Variants in PLEKHG7 observed in about 807,000 individuals in gnomAD.
PLEKHG7 encodes pleckstrin homology domain-containing family G member 7.
In PLEKHG7, 77 loss-of-function variants were observed where a neutral mutation model predicts 85.2. The ratio of observed to expected loss-of-function variants is 0.90; its 90% confidence interval spans 0.75 to 1.09. The LOEUF is 1.09. Ranked by LOEUF, PLEKHG7 falls within the 50% of genes least tolerant of loss-of-function variation. The probability of loss-of-function intolerance (pLI) is 0.00; values close to 1 mark genes in which losing one functional copy is unlikely to be tolerated. For synonymous variants in PLEKHG7, 301 were observed against 302.4 expected (o/e 1.00, Z 0.05); for missense variants, 777 against 804.3 (o/e 0.97, Z 0.41).
chr12:92,761,802 T>C lies in PLEKHG7; in HGVS notation c.1687T>C (p.Leu563=), dbSNP rs1873043089. 1 of 1,578,030 alleles carries C rather than the reference T, an allele frequency of 6.3e-7. No homozygotes were observed. The highest frequency in any genetic ancestry group is 1.4e-5 in the African/African-American group (1 of 72,308). Residue 563 remains leucine (L), a synonymous_variant, in exon 14 of 17, where the codon TTA becomes CTA. Transcript: ENST00000344636. ...TCTGTTTCTCTTCAATGATTTCCTC[T>C]TAGTTACGAAAACTAAGTGCAACAA... ...VYLFLFNDFL[L]VTKTKCNKKK...
rs142446097 is a variant in PLEKHG7 at position 92,706,690 on chromosome 12, C to T, written c.59C>T (p.Pro20Leu). 3.7e-6 allele frequency: 6 copies of T among 1,613,980 alleles called. No individual in the cohort carries two copies. Among genetic ancestry groups the T allele is most frequent in the Non-Finnish European group, 1.7e-6 (2 of 1,180,036 alleles). Residue 20 changes from proline to leucine, a missense_variant, in exon 2 of 17, where the codon CCT becomes CTT. This residue lies in a region of PLEKHG7 where 252 missense variants were observed against 241.9 expected (regional missense o/e 1.04). Coordinates refer to ENST00000344636, the MANE Select transcript of PLEKHG7 (RefSeq NM_001377329.1). The part of the protein sequence containing the change: ...EVPPQDCGAS[P>L]RPSLRSLPKN... The stretch of plus-strand genomic sequence containing the variant: ...CCACCCCAAGACTGTGGAGCCTCTC[C>T]TCGGCCCTCGCTGAGGAGCCTGCCA...
At position 92,706,818 on chromosome 12, in the gene PLEKHG7, C is replaced by T. The variant is rs1268473826; in HGVS notation, c.187C>T (p.Gln63Ter). 6.2e-7 allele frequency: 1 copy of T among 1,613,862 alleles called. No individual in the cohort carries two copies. Among genetic ancestry groups the T allele is most frequent in the African/African-American group, 1.3e-5 (1 of 74,936 alleles). The change falls in exon 2 of 17, where the codon CAG becomes TAG. Residue 63 changes from glutamine to a stop codon, truncating the protein, a stop_gained. Coordinates refer to ENST00000344636, the MANE Select transcript of PLEKHG7 (RefSeq NM_001377329.1). LOFTEE classifies it high-confidence loss of function. Reference protein sequence around the residue: ...RLRTRGCGTRQDAWQVTTWGS... With the variant: ...RLRTRGCGTR The stretch of plus-strand genomic sequence containing the variant: ...AAGGACCCGTGGCTGTGGGACAAGG[C>T]AGGATGCCTGGCAGGTGACCACCTG...
rs139391927 is a variant in PLEKHG7, at chr12:92,764,669, C to T, written c.1870+475C>T. Among the ~76,000 whole-genome samples, 879 of 152,028 alleles carry T rather than the reference C, an allele frequency of 5.8e-3. 7 individuals are homozygous for T. Among genetic ancestry groups the T allele is most frequent in the African/African-American group, 0.02 (842 of 41,458 alleles). On this transcript the variant is annotated intron_variant, in intron 15 of 16. Transcript: ENST00000344636. ...ATATATATATATTCATATATATACA[C>T]ACATATATATGCATGTATCTACATG... is the stretch of plus-strand genomic sequence containing the variant.
At chr12:92,750,901 C>T (rs1872672317) in intron 10 of PLEKHG7, among the ~76,000 whole-genome samples, 1 of 152,016 alleles carries the variant, frequency 6.6e-6, no homozygotes, top group Non-Finnish European at 1.5e-5. Context: ...GATTGGACCA[C>T]TGCACTTAGC....
chr12:92,715,687 T>G (rs1005392363), intron 3 of PLEKHG7, among the ~76,000 whole-genome samples: 3 of 134,252 alleles, frequency 2.2e-5, no homozygotes, highest in African/African-American at 8.7e-5. Flanking sequence ...GAGGCCCCAC[T>G]GTCTATCTAA....
In PLEKHG7 at chr12:92,764,217, C is replaced by T. The variant is rs1565798337; in HGVS notation, c.1870+23C>T. ...CAGGTATGTGTCTATTTTCATTATT[C>T]AGCTCATCTGTTTGCCATCACAGAG... On this transcript the variant is annotated intron_variant, in intron 15 of 16. Transcript: ENST00000344636. 1.9e-6 allele frequency: 3 copies of T among 1,575,380 alleles called. No homozygotes were observed. In the East Asian group the frequency reaches 6.9e-5, roughly 36 times the overall value.
chr12:92,750,515 CA>C (rs1872661943), intron 10 of PLEKHG7, among the ~76,000 whole-genome samples: 1 of 152,140 alleles, frequency 6.6e-6, no homozygotes, highest in Non-Finnish European at 1.5e-5. Flanking sequence ...CCCTGAATAC[CA>C]GTGCACGCTG....
At chr12:92,767,232 A>G (rs969949591) in intron 15 of PLEKHG7, among the ~76,000 whole-genome samples, 18 of 152,358 alleles carry the variant, frequency 1.2e-4, no homozygotes, top group Admixed American at 7.8e-4. Flanking sequence ...CAGTAAAAAA[A>G]GAGCTATTCT....
At chr12:92,741,986 C>G (rs1565792514) in intron 9 of PLEKHG7, among the ~76,000 whole-genome samples, 1 of 152,208 alleles carries the variant, frequency 6.6e-6, no homozygotes, top group Non-Finnish European at 1.5e-5. Flanking sequence ...CATCAACACC[C>G]TTGATCATAT....
rs1377517492 is a variant in PLEKHG7 at position 92,771,374 on chromosome 12, AT to A, written c.*1180del. The A allele has an allele frequency of 1.3e-5, 2 of 152,106 alleles. No homozygotes were observed. The highest frequency in any genetic ancestry group is 2.9e-5 in the Non-Finnish European group (2 of 67,970). The allele number at this position is 152,106 out of a possible 1,614,324, so 9.4% of individuals were successfully genotyped here. A position where few individuals can be genotyped will look rare whatever the true frequency, so the allele number is the denominator to read the frequency against. Reference sequence around the variant, plus strand: ...TCCTTGAGGAAGGTGAAATTTCACTATGCAAACAAAGCAGTAAAGACAAGTG... The same window carrying A: ...TCCTTGAGGAAGGTGAAATTTCACTAGCAAACAAAGCAGTAAAGACAAGTG... On this transcript the variant is annotated 3_prime_UTR_variant, in exon 17 of 17. Transcript: ENST00000344636.
Position 92,739,040 on chromosome 12 carries a change from TCAAAA to T in PLEKHG7, c.939+1543_939+1547del, listed in dbSNP as rs370392449. ...ATTCAAGGCATGTTTGATCAAGGGC[TCAAAA>T]CAAAACAAAACAAAACAAAACAACA... On this transcript the variant is annotated intron_variant, in intron 7 of 16. Transcript: ENST00000344636. 4.4e-3 allele frequency among the ~76,000 whole-genome samples: 676 copies of T among 152,222 alleles called. 3 individuals are homozygous for T. Among genetic ancestry groups the T allele is most frequent in the African/African-American group, 0.011 (475 of 41,540 alleles).
chr12:92,747,686 G>GA (rs1266119041), intron 10 of PLEKHG7, among the ~76,000 whole-genome samples: 1 of 152,184 alleles, frequency 6.6e-6, no homozygotes. Flanking sequence ...ATTAGGTAAA[G>GA]AAAATGTAAC....
chr12:92,737,630 G>A, intron 7 of PLEKHG7, 109 bp downstream of exon 7: 1 of 1,015,754 alleles, frequency 9.8e-7, no homozygotes, highest in Non-Finnish European at 1.4e-6. Context: ...AGAAAAGAAA[G>A]AAAGAGAAAG....
At chr12:92,755,690 G>A in intron 11 of PLEKHG7, 135 bp from the exon 12 acceptor site, 1 of 670,584 alleles carries the variant, frequency 1.5e-6, no homozygotes, top group Non-Finnish European at 2.7e-6. Context: ...CAAGCAATAT[G>A]TGAAATGAAC....
chr12:92,714,336 C>T (rs1871425263), intron 3 of PLEKHG7, among the ~76,000 whole-genome samples: 1 of 152,132 alleles, frequency 6.6e-6, no homozygotes, highest in African/African-American at 2.4e-5. Context: ...TAGCAAAAAG[C>T]ATTGTCAGAA....
Position 92,771,289 on chromosome 12 carries a change from T to G in PLEKHG7, c.*1094T>G, listed in dbSNP as rs1348187226. The G allele has an allele frequency of 6.6e-6, 1 of 152,082 alleles. No individual in the cohort carries two copies. The highest frequency in any genetic ancestry group is 1.5e-5 in the Non-Finnish European group (1 of 67,954). 9.4% of individuals were successfully genotyped at this position (152,082 alleles called of 1,614,324 possible). On this transcript the variant is annotated 3_prime_UTR_variant, in exon 17 of 17. Coordinates refer to ENST00000344636, the MANE Select transcript of PLEKHG7 (RefSeq NM_001377329.1). The stretch of plus-strand genomic sequence containing the variant: ...AGACAACTGAAGCCTTAGCTGATTT[T>G]GTTAAGCTGAAGAATGGGGTAGAGA...
chr12:92,746,141 C>A (rs1439571009), intron 10 of PLEKHG7, among the ~76,000 whole-genome samples: 1 of 152,192 alleles, frequency 6.6e-6, no homozygotes, highest in Non-Finnish European at 1.5e-5. Flanking sequence ...AGTAGCCAAG[C>A]CTAAAACCTA....
At chr12:92,761,857 G>T in intron 14 of PLEKHG7, 26 bp downstream of exon 14, 1 of 1,536,938 alleles carries the variant, frequency 6.5e-7, no homozygotes, top group Non-Finnish European at 8.7e-7. Context: ...TTCAAAGTAC[G>T]TTTCTAAACA....
At chr12:92,758,152 A>T (rs1418825723) in intron 13 of PLEKHG7, among the ~76,000 whole-genome samples, 1 of 152,246 alleles carries the variant, frequency 6.6e-6, no homozygotes, top group Admixed American at 6.5e-5. Context: ...GTGTTCCAGC[A>T]TGTATCTTTA....
Sources: gnomAD v4.1 joint callset for allele counts (sites outside exome capture counted in the v4.1 genomes callset) on GRCh38, gnomAD v4.1.1 for gene constraint, gnomAD v4.1.1 regional missense constraint, MANE v1.5 for transcripts, NCBI Gene and HGNC (gene_info 2026-07-23, HGNC 2026-07-21) for gene names.